Variants in NXPH2 observed in about 807,000 individuals in gnomAD.
The protein encoded by NXPH2 is neurexophilin-2.
In NXPH2, 5 loss-of-function variants were observed where a neutral mutation model predicts 19.8. That is an observed-to-expected ratio of 0.25 (90% CI 0.13 to 0.53). The LOEUF (loss-of-function observed/expected upper bound fraction) is 0.53, where lower values mean the gene tolerates loss of function less well. NXPH2 is among the 20% of genes least tolerant of loss of function. The pLI, the probability that NXPH2 is intolerant of heterozygous loss-of-function variation, is 0.96. For missense variants in NXPH2, 289 were observed against 322.8 expected, an observed-to-expected ratio of 0.90 and a Z score of 0.80; for synonymous variants, 154 against 127.4, an observed-to-expected ratio of 1.21 and a Z score of -1.41.
In NXPH2 at chr2:138,752,313, T is replaced by C. The variant is rs182657413; in HGVS notation, c.51+27878A>G. Among the ~76,000 whole-genome samples, 71 of 152,246 alleles carry C rather than the reference T, an allele frequency of 4.7e-4. 1 individual carries two copies. In the East Asian group the frequency reaches 0.01, roughly 22 times the overall value. On this transcript the variant is annotated intron_variant, in intron 1 of 1. Coordinates refer to ENST00000272641, the MANE Select transcript of NXPH2 (RefSeq NM_007226.3). ...GAGATAATAAAACTCAGGCATCCAG[T>C]AGAGTTCTTGGCACAAAATTAACAA...
At chr2:138,771,017 A>T (rs1257036918) in intron 1 of NXPH2, among the ~76,000 whole-genome samples, 1 of 152,132 alleles carries the variant, frequency 6.6e-6, no homozygotes, top group Non-Finnish European at 1.5e-5. Flanking sequence ...AGTGTGATAC[A>T]GGCATGCACA....
chr2:138,757,813 TTATCTATCTATCTATCTATCTATC>T (rs57043046), intron 1 of NXPH2, among the ~76,000 whole-genome samples: 8 of 147,488 alleles, frequency 5.4e-5, no homozygotes, highest in South Asian at 2.2e-4. Context: ...GTGTGTTTCT[TTATCTATCTATCTATCTATCTATC>T]TATCTATCTA....
chr2:138,679,461 C>T (rs901284982), intron 1 of NXPH2, among the ~76,000 whole-genome samples: 1 of 146,748 alleles, frequency 6.8e-6, no homozygotes. Flanking sequence ...AGTGCAGTGG[C>T]GCGATCTCGG....
chr2:138,730,732 A>T (rs1311972594), intron 1 of NXPH2, among the ~76,000 whole-genome samples: 2 of 152,168 alleles, frequency 1.3e-5, no homozygotes, highest in African/African-American at 4.8e-5. Context: ...CAGATGTTAA[A>T]AGTCTGTCTT....
At chr2:138,700,686 T>C (rs756725286) in intron 1 of NXPH2, among the ~76,000 whole-genome samples, 13 of 152,058 alleles carry the variant, frequency 8.5e-5, no homozygotes, top group Non-Finnish European at 8.8e-5. Flanking sequence ...AATGTCCAAC[T>C]CTATCAGACC....
At chr2:138,694,764 A>G (rs1208060204) in intron 1 of NXPH2, among the ~76,000 whole-genome samples, 1 of 152,234 alleles carries the variant, frequency 6.6e-6, no homozygotes, top group Admixed American at 6.5e-5. Context: ...CACATTCAAC[A>G]GAATATCAAT....
chr2:138,774,493 T>C (rs763875294), intron 1 of NXPH2, among the ~76,000 whole-genome samples: 13 of 152,204 alleles, frequency 8.5e-5, no homozygotes, highest in Non-Finnish European at 1.9e-4. Flanking sequence ...ATACAGTAAC[T>C]AAAGATGTAA....
chr2:138,726,804 C>CT (rs750746758), intron 1 of NXPH2, among the ~76,000 whole-genome samples: 5 of 152,126 alleles, frequency 3.3e-5, no homozygotes, highest in Non-Finnish European at 5.9e-5. Context: ...GCTCACAGCA[C>CT]TTATTAGAGT....
intron 1 of NXPH2, among the ~76,000 whole-genome samples, chr2:138,685,492 C>T (rs1049571862): frequency 4.6e-5 from 7 of 152,154 alleles, no homozygotes; most frequent in African/African-American, 1.7e-4. Context: ...TCCCAATAAA[C>T]TCAATTTAAG....
At chr2:138,744,306 C>T (rs772971147) in intron 1 of NXPH2, among the ~76,000 whole-genome samples, 1 of 152,006 alleles carries the variant, frequency 6.6e-6, no homozygotes, top group Non-Finnish European at 1.5e-5. Context: ...TGATGATTGG[C>T]TTCATAATGG....
At chr2:138,750,746 A>T (rs1681817708) in intron 1 of NXPH2, among the ~76,000 whole-genome samples, 1 of 152,198 alleles carries the variant, frequency 6.6e-6, no homozygotes, top group Admixed American at 6.5e-5. Context: ...AGATGTATAC[A>T]CAGTCTCAGT....
At chr2:138,777,631 C>T (rs1036253948) in intron 1 of NXPH2, among the ~76,000 whole-genome samples, 2 of 151,762 alleles carry the variant, frequency 1.3e-5, no homozygotes, top group South Asian at 2.1e-4. Flanking sequence ...CTTATTTGGG[C>T]TCAATTCCCT....
At chr2:138,714,269 C>A (rs1344031914) in intron 1 of NXPH2, among the ~76,000 whole-genome samples, 1 of 152,114 alleles carries the variant, frequency 6.6e-6, no homozygotes, top group African/African-American at 2.4e-5. Context: ...AAGATCCCTA[C>A]AAGTAGTTAT....
At chr2:138,713,647 A>G (rs1446648722) in intron 1 of NXPH2, among the ~76,000 whole-genome samples, 1 of 151,882 alleles carries the variant, frequency 6.6e-6, no homozygotes, top group Non-Finnish European at 1.5e-5. Context: ...GGTGTGCAAA[A>G]TCTCTGTTTG....
intron 1 of NXPH2, among the ~76,000 whole-genome samples, chr2:138,728,693 A>G (rs1305984288): frequency 6.6e-6 from 1 of 152,268 alleles, no homozygotes; most frequent in African/African-American, 2.4e-5. Context: ...AAATCCTGCC[A>G]GAACATCAAT....
chr2:138,715,385 T>C (rs569103794), intron 1 of NXPH2, among the ~76,000 whole-genome samples: 1 of 152,380 alleles, frequency 6.6e-6, no homozygotes, highest in Non-Finnish European at 1.5e-5. Flanking sequence ...TTTTGAGCCC[T>C]TCCTCTAGAT....
At chr2:138,770,845 A>G (rs949469881) in intron 1 of NXPH2, among the ~76,000 whole-genome samples, 2 of 152,118 alleles carry the variant, frequency 1.3e-5, no homozygotes, top group Non-Finnish European at 2.9e-5. Context: ...AAATTACTTA[A>G]AAAGGCAATT....
At chr2:138,741,444 C>T (rs1681640287) in intron 1 of NXPH2, among the ~76,000 whole-genome samples, 1 of 152,142 alleles carries the variant, frequency 6.6e-6, no homozygotes, top group African/African-American at 2.4e-5. Context: ...GCTAGAAAAA[C>T]AGGAAATCAT....
In NXPH2 at chr2:138,780,298, T is replaced by C; in HGVS notation, c.-57A>G. On this transcript the variant is annotated 5_prime_UTR_variant, in exon 1 of 2. An upstream start codon of the reference 5' UTR is lost. Coordinates refer to ENST00000272641, the MANE Select transcript of NXPH2 (RefSeq NM_007226.3). ...CGCGCCCTCGCCTGCCTCTCGCGCATCTCCACTTCGCGGGGCAGGACTGAG... is the reference window on the plus strand; with the variant it reads ...CGCGCCCTCGCCTGCCTCTCGCGCACCTCCACTTCGCGGGGCAGGACTGAG... 7.3e-7 allele frequency: 1 copy of C among 1,362,782 alleles called. No individual in the cohort carries two copies. The highest frequency in any genetic ancestry group is 9.5e-7 in the Non-Finnish European group (1 of 1,054,966). 84.4% of individuals were successfully genotyped at this position (1,362,782 alleles called of 1,614,324 possible).
Sources: gnomAD v4.1 joint callset for allele counts (sites outside exome capture counted in the v4.1 genomes callset) on GRCh38, gnomAD v4.1.1 for gene constraint, MANE v1.5 for transcripts, NCBI Gene and HGNC (gene_info 2026-07-23, HGNC 2026-07-21) for gene names.